DLGAP1: variants seen among roughly 807,000 people sequenced by gnomAD.
DLGAP1 encodes the protein DLG associated protein 1.
In DLGAP1, 11 loss-of-function variants were observed where a neutral mutation model predicts 90.8. The observed-to-expected ratio is 0.12, with a 90% CI of 0.08 to 0.20. DLGAP1 has a LOEUF of 0.20. Ranked by LOEUF, DLGAP1 falls within the 10% of genes least tolerant of loss-of-function variation. DLGAP1 has a pLI of 1.00. For synonymous variants in DLGAP1, 558 were observed against 540.7 expected, an observed-to-expected ratio of 1.03 and a Z score of -0.44; for missense variants, 1,050 against 1,333.8, an observed-to-expected ratio of 0.79 and a Z score of 3.31.
intron 1 of DLGAP1, among the ~76,000 whole-genome samples, chr18:4,437,828 G>T (rs1204544151): frequency 4.6e-5 from 7 of 151,944 alleles, no homozygotes; most frequent in African/African-American, 1.7e-4. Context: ...TATTAAGGTA[G>T]GGAAATAGGA....
intron 8 of DLGAP1, among the ~76,000 whole-genome samples, chr18:3,574,838 A>G (rs67083648): frequency 0.4 from 58,786 of 147,808 alleles, 12,434 homozygotes; most frequent in East Asian, 0.82. Context: ...ATTTTGAGAC[A>G]GAGTCTGGCT....
intron 1 of DLGAP1, among the ~76,000 whole-genome samples, chr18:4,394,539 T>A (rs1243048342): frequency 6.6e-6 from 1 of 152,020 alleles, no homozygotes; most frequent in East Asian, 1.9e-4. Flanking sequence ...GGGGAAAAAA[T>A]CCCCAAAATA....
intron 2 of DLGAP1, among the ~76,000 whole-genome samples, chr18:4,046,979 A>C (rs12958711): frequency 0.043 from 6,567 of 152,260 alleles, 223 homozygotes; most frequent in African/African-American, 0.091. Flanking sequence ...AATGACCCTT[A>C]TTCTTTGCCT....
At chr18:4,274,148 C>T (rs73376959) in intron 1 of DLGAP1, among the ~76,000 whole-genome samples, 4,242 of 151,858 alleles carry the variant, frequency 0.028, 71 homozygotes, top group Non-Finnish European at 0.032. Flanking sequence ...AAAGCCCTTA[C>T]GGTTATAACT....
At chr18:4,072,745 C>G (rs1027822475) in intron 2 of DLGAP1, among the ~76,000 whole-genome samples, 1 of 152,174 alleles carries the variant, frequency 6.6e-6, no homozygotes, top group African/African-American at 2.4e-5. Flanking sequence ...GCTGGGATTA[C>G]AGGTGTGAGC....
At chr18:3,805,969 G>A (rs2066540441) in intron 5 of DLGAP1, among the ~76,000 whole-genome samples, 1 of 152,162 alleles carries the variant, frequency 6.6e-6, no homozygotes, top group South Asian at 2.1e-4. Context: ...GAATGTTGAT[G>A]ATGTTGCTAT....
At chr18:3,789,739 T>C (rs965427786) in intron 5 of DLGAP1, among the ~76,000 whole-genome samples, 2 of 152,162 alleles carry the variant, frequency 1.3e-5, no homozygotes, top group Non-Finnish European at 2.9e-5. Context: ...TGCAGAAATA[T>C]CCCTCGGCTG....
At chr18:3,808,725 C>G (rs2066684398) in intron 5 of DLGAP1, among the ~76,000 whole-genome samples, 1 of 151,878 alleles carries the variant, frequency 6.6e-6, no homozygotes, top group Non-Finnish European at 1.5e-5. Context: ...AAACGAGGAG[C>G]AGTAGGTAGG....
At chr18:4,309,975 A>G (rs1363343951) in intron 1 of DLGAP1, among the ~76,000 whole-genome samples, 1 of 152,212 alleles carries the variant, frequency 6.6e-6, no homozygotes, top group African/African-American at 2.4e-5. Flanking sequence ...GACACTGGTG[A>G]TATTATGAAA....
chr18:3,790,151 C>T (rs2065659717), intron 5 of DLGAP1, among the ~76,000 whole-genome samples: 1 of 152,150 alleles, frequency 6.6e-6, no homozygotes, highest in South Asian at 2.1e-4. Flanking sequence ...TTTAGAATGA[C>T]CTTCTTTCTC....
At chr18:4,130,654 C>T (rs537497822) in intron 2 of DLGAP1, among the ~76,000 whole-genome samples, 3 of 152,080 alleles carry the variant, frequency 2.0e-5, no homozygotes, top group Non-Finnish European at 4.4e-5. Context: ...CAGGACCACA[C>T]CCTCCCATCG....
intron 4 of DLGAP1, among the ~76,000 whole-genome samples, chr18:3,853,993 C>A (rs754860512): frequency 6.6e-6 from 1 of 151,654 alleles, no homozygotes; most frequent in South Asian, 2.1e-4. Context: ...TTCCAAAGAA[C>A]AACAACAACA....
intron 3 of DLGAP1, among the ~76,000 whole-genome samples, chr18:3,993,759 A>G (rs1400349232): frequency 1.3e-5 from 2 of 152,072 alleles, no homozygotes; most frequent in East Asian, 3.9e-4. Context: ...TTCTCATGGG[A>G]TCACTGACCA....
At chr18:4,037,174 A>G (rs2074902188) in intron 2 of DLGAP1, among the ~76,000 whole-genome samples, 2 of 152,216 alleles carry the variant, frequency 1.3e-5, no homozygotes. Context: ...TAGGAAATAT[A>G]CTGTCAATGC....
At chr18:4,019,926 G>A (rs2074582868) in intron 2 of DLGAP1, among the ~76,000 whole-genome samples, 1 of 152,088 alleles carries the variant, frequency 6.6e-6, no homozygotes, top group Admixed American at 6.6e-5. Flanking sequence ...TATATTTCAG[G>A]GAGACATAGT....
At chr18:3,746,575 G>C (rs1283083224) in intron 5 of DLGAP1, among the ~76,000 whole-genome samples, 2 of 151,742 alleles carry the variant, frequency 1.3e-5, no homozygotes, top group East Asian at 1.9e-4. Flanking sequence ...CAGCAAAAAG[G>C]GTTCACATGC....
In DLGAP1 at chr18:4,050,458, G is replaced by A. The variant is rs555243759; in HGVS notation, c.-158-45257C>T. Reference sequence around the variant, plus strand: ...GTATTATTTTCATCCTCACTTCATGGAACAAAAACTAAGGTTCATAAAAGT... The same window carrying A: ...GTATTATTTTCATCCTCACTTCATGAAACAAAAACTAAGGTTCATAAAAGT... On this transcript the variant is annotated intron_variant, in intron 2 of 12. Transcript: ENST00000315677. Among the ~76,000 whole-genome samples the A allele has an allele frequency of 2.0e-3, 303 of 152,176 alleles. 5 individuals carry two copies. The Middle Eastern group carries it at 0.031, about 15-fold the overall frequency.
At chr18:3,707,336 G>A (rs2061466307) in intron 7 of DLGAP1, among the ~76,000 whole-genome samples, 1 of 152,192 alleles carries the variant, frequency 6.6e-6, no homozygotes, top group East Asian at 1.9e-4. Flanking sequence ...AGTGGCTCAT[G>A]CCTGTAATCC....
rs140059918 is a variant in DLGAP1, at chr18:4,381,403, C to A, written c.-267+73603G>T. 3.6e-3 allele frequency among the ~76,000 whole-genome samples: 548 copies of A among 152,244 alleles called. 4 individuals are homozygous for A. The highest frequency in any genetic ancestry group is 0.012 in the African/African-American group (519 of 41,548). ...TGAGCATATTTCAAAAGAACCAGTC[C>A]TCAGGTAATAACTGATGAATCTTCT... On this transcript the variant is annotated intron_variant, in intron 1 of 12. Coordinates refer to ENST00000315677, the MANE Select transcript of DLGAP1 (RefSeq NM_004746.4).
Sources: gnomAD v4.1 joint callset for allele counts (sites outside exome capture counted in the v4.1 genomes callset) on GRCh38, gnomAD v4.1.1 for gene constraint, MANE v1.5 for transcripts, NCBI Gene and HGNC (gene_info 2026-07-23, HGNC 2026-07-21) for gene names.